Variants in ITPR2 observed in about 807,000 individuals in gnomAD.
ITPR2 encodes the protein inositol 1,4,5-trisphosphate-gated calcium channel ITPR2.
In ITPR2, 207 loss-of-function variants were observed where a neutral mutation model predicts 317.1. That is an observed-to-expected ratio of 0.65 (90% CI 0.58 to 0.73). The LOEUF (loss-of-function observed/expected upper bound fraction) is 0.73. Ranked by LOEUF, ITPR2 falls within the 30% of genes least tolerant of loss-of-function variation. The pLI, the probability that ITPR2 is intolerant of heterozygous loss-of-function variation, is 0.00. For synonymous variants in ITPR2, 1,156 were observed against 1,149.1 expected (o/e 1.01, Z -0.12); for missense variants, 2,613 against 3,284.0 (o/e 0.80, Z 4.99).
intron 13 of ITPR2, among the ~76,000 whole-genome samples, chr12:26,676,612 C>T (rs7137901): frequency 0.84 from 128,067 of 151,870 alleles, 54,029 homozygotes; most frequent in Admixed American, 0.89. Flanking sequence ...AGAGAAAGAA[C>T]AAGTGAGATA....
intron 26 of ITPR2, among the ~76,000 whole-genome samples, chr12:26,608,194 A>G (rs1946181652): frequency 6.6e-6 from 1 of 152,220 alleles, no homozygotes; most frequent in South Asian, 2.1e-4. Context: ...GTATTTGATA[A>G]TGTTTAACCT....
chr12:26,542,131 T>C (rs755113679), intron 37 of ITPR2, among the ~76,000 whole-genome samples: 28 of 152,212 alleles, frequency 1.8e-4, no homozygotes, highest in Non-Finnish European at 3.7e-4. Flanking sequence ...TCTTACAAAA[T>C]ATTGTTTAGA....
intron 4 of ITPR2, 70 bp from the exon 5 acceptor site, chr12:26,722,625 T>C: frequency 8.5e-7 from 1 of 1,170,330 alleles, no homozygotes; most frequent in Non-Finnish European, 1.2e-6. Flanking sequence ...TCATATGTTT[T>C]ATACATGTAT....
chr12:26,475,476 T>C, intron 44 of ITPR2, 58 bp from the exon 45 acceptor site: 1 of 1,567,536 alleles, frequency 6.4e-7, no homozygotes, highest in Non-Finnish European at 8.6e-7. Context: ...TTTATATTTT[T>C]ATGAGATTTA....
In ITPR2 at chr12:26,567,982, ATATATATATATATATTATATATAT is replaced by A. The variant is rs1444014225; in HGVS notation, c.4631-6054_4631-6031del. ...TATATATATATATTATATATATTATATATATATATATATATTATATATATTATATATATATATATATATATATAT... is the reference window on the plus strand; with the variant it reads ...TATATATATATATTATATATATTATATATATATATATATATATATATATAT... On this transcript the variant is annotated intron_variant, in intron 34 of 56. Coordinates refer to ENST00000381340, the MANE Select transcript of ITPR2 (RefSeq NM_002223.4). 4.9e-3 allele frequency among the ~76,000 whole-genome samples: 56 copies of A among 11,482 alleles called. 4 individuals carry two copies. Among genetic ancestry groups the A allele is most frequent in the African/African-American group, 0.014 (53 of 3,882 alleles). The allele number at this position is 11,482 out of a possible 152,430, so 7.5% of individuals were successfully genotyped here.
intron 43 of ITPR2, 92 bp from the exon 44 acceptor site, chr12:26,477,099 CT>C: frequency 1.4e-5 from 10 of 726,398 alleles, no homozygotes; most frequent in East Asian, 8.0e-5. Flanking sequence ...TTACTAGGAC[CT>C]TTTTTAATCA....
At chr12:26,667,202 A>G (rs561602651) in intron 13 of ITPR2, among the ~76,000 whole-genome samples, 1 of 152,348 alleles carries the variant, frequency 6.6e-6, no homozygotes, top group African/African-American at 2.4e-5. Context: ...GAATGTATTC[A>G]GTTGGAAAAC....
chr12:26,507,863 C>CTCTCTCTGTG (rs372756412), intron 37 of ITPR2, among the ~76,000 whole-genome samples: 16 of 132,284 alleles, frequency 1.2e-4, no homozygotes, highest in African/African-American at 4.4e-4. Flanking sequence ...CTCTCTGTCT[C>CTCTCTCTGTG]TGTGTGTGTG....
At chr12:26,349,676 G>A (rs1037761786) in intron 55 of ITPR2, among the ~76,000 whole-genome samples, 3 of 152,226 alleles carry the variant, frequency 2.0e-5, no homozygotes, top group Admixed American at 6.5e-5. Flanking sequence ...TGAAGCCCAC[G>A]CCTTAGAGAC....
chr12:26,562,717 G>T lies in ITPR2; in HGVS notation c.4631-765C>A, dbSNP rs1257171840. ...CATTAAAGAATAACAGCTGAACAAT[G>T]AGAACACTTGGACACAGGAAGGGGA... On this transcript the variant is annotated intron_variant, in intron 34 of 56. Transcript: ENST00000381340. Among the ~76,000 whole-genome samples the T allele has an allele frequency of 1.8e-4, 27 of 149,658 alleles. 1 individual carries two copies. The highest frequency in any genetic ancestry group is 1.8e-3 in the Admixed American group (27 of 15,022).
intron 45 of ITPR2, among the ~76,000 whole-genome samples, chr12:26,455,512 T>C (rs1941861489): frequency 6.6e-6 from 1 of 152,206 alleles, no homozygotes; most frequent in Non-Finnish European, 1.5e-5. Context: ...TCAGATCTGT[T>C]GAATTAAACT....
At chr12:26,396,426 G>C (rs1565503625) in intron 54 of ITPR2, among the ~76,000 whole-genome samples, 2 of 152,032 alleles carry the variant, frequency 1.3e-5, no homozygotes, top group African/African-American at 2.4e-5. Flanking sequence ...CTCTGCTTGG[G>C]CAGAGTTGAT....
intron 32 of ITPR2, among the ~76,000 whole-genome samples, chr12:26,588,760 A>G (rs1945605284): frequency 6.6e-6 from 1 of 152,238 alleles, no homozygotes; most frequent in Non-Finnish European, 1.5e-5. Context: ...AGTGAAATAC[A>G]CAAGTTTGTC....
At chr12:26,445,269 G>C (rs1201886672) in intron 45 of ITPR2, among the ~76,000 whole-genome samples, 1 of 152,156 alleles carries the variant, frequency 6.6e-6, no homozygotes, top group African/African-American at 2.4e-5. Flanking sequence ...TTTGGTTTTG[G>C]ACATATGAAG....
At chr12:26,723,301 T>A (rs1366597023) in intron 4 of ITPR2, among the ~76,000 whole-genome samples, 4 of 152,066 alleles carry the variant, frequency 2.6e-5, no homozygotes, top group Non-Finnish European at 5.9e-5. Context: ...TGAAAAAAAA[T>A]CAGCATTTTA....
intron 44 of ITPR2, among the ~76,000 whole-genome samples, 193 bp from the exon 45 acceptor site, chr12:26,475,611 T>C (rs1942399506): frequency 6.6e-6 from 1 of 152,186 alleles, no homozygotes. Flanking sequence ...CCCTTTTCCT[T>C]GGAAATTTTT....
chr12:26,696,390 C>T (rs1236064397), intron 9 of ITPR2, among the ~76,000 whole-genome samples: 1 of 152,094 alleles, frequency 6.6e-6, no homozygotes, highest in Non-Finnish European at 1.5e-5. Context: ...TGAATTTAAT[C>T]ATTTTAATGT....
At chr12:26,410,160 T>G (rs977359002) in intron 52 of ITPR2, among the ~76,000 whole-genome samples, 22 of 152,118 alleles carry the variant, frequency 1.4e-4, no homozygotes, top group African/African-American at 5.1e-4. Context: ...CGGAGGTGTT[T>G]AGATTGGAGG....
chr12:26,671,944 A>G (rs573354472), intron 13 of ITPR2, among the ~76,000 whole-genome samples: 77 of 152,294 alleles, frequency 5.1e-4, no homozygotes, highest in Non-Finnish European at 4.4e-5. Flanking sequence ...AGATCAAAAC[A>G]GACAAAGAAG....
Sources: allele counts gnomAD v4.1 joint callset (sites outside exome capture counted in the v4.1 genomes callset), GRCh38; gene constraint gnomAD v4.1.1; transcripts MANE v1.5; gene names NCBI Gene and HGNC (gene_info 2026-07-23, HGNC 2026-07-21).